The following TOMM70 variants were observed in gnomAD, a reference collection of about 807,000 sequenced individuals.
TOMM70 encodes the protein mitochondrial import receptor subunit TOM70.
In TOMM70, 13 loss-of-function variants were observed where a neutral mutation model predicts 73.6. The ratio of observed to expected loss-of-function variants is 0.18; its 90% CI spans 0.11 to 0.28. TOMM70 has a LOEUF of 0.28. TOMM70 is among the 10% of genes least tolerant of loss of function. The pLI is 1.00. For synonymous variants in TOMM70, 257 were observed against 271.2 expected (o/e 0.95, Z 0.51); for missense variants, 609 against 747.5 (o/e 0.81, Z 2.16).
chr3:100,396,023 T>G (rs545298469), intron 1 of TOMM70, among the ~76,000 whole-genome samples: 158 of 152,024 alleles, frequency 1.0e-3, no homozygotes, highest in Non-Finnish European at 1.9e-3. Context: ...GGTTTTTTTT[T>G]TTTTTTTTTT....
chr3:100,380,889 C>T (rs1222299471), intron 5 of TOMM70, among the ~76,000 whole-genome samples: 2 of 152,098 alleles, frequency 1.3e-5, no homozygotes, highest in Non-Finnish European at 2.9e-5. Context: ...CTCCAATATG[C>T]TGAAGATGCA....
chr3:100,387,675 G>A (rs1258447474), intron 1 of TOMM70, among the ~76,000 whole-genome samples: 2 of 141,582 alleles, frequency 1.4e-5, no homozygotes, highest in Non-Finnish European at 3.0e-5. Context: ...AGGGTCTGTC[G>A]CCCAGGCTGG....
At position 100,364,041 on chromosome 3, in the gene TOMM70, G is replaced by A. The variant is rs930431197; in HGVS notation, c.*1523C>T. 2.0e-5 allele frequency: 3 copies of A among 152,078 alleles called. No individual in the cohort carries two copies. The highest frequency in any genetic ancestry group is 1.3e-4 in the Admixed American group (2 of 15,266). The allele number at this position is 152,078 out of a possible 1,614,324, so 9.4% of individuals were successfully genotyped here. ...ACAGTGTAAACCATAATTATAATTC[G>A]TTCTTAAATAAACCTCTCCCCATCC... On this transcript the variant is annotated 3_prime_UTR_variant, in exon 12 of 12. Transcript: ENST00000284320.
At position 100,373,661 on chromosome 3, in the gene TOMM70, G is replaced by A. The variant is rs770751317; in HGVS notation, c.1228-16C>T. ...GTATTTTCAGCTAAGAAAAAAATAC[G>A]TAAATAAATGTAATTCAACTAGTCC... On this transcript the variant is annotated splice_polypyrimidine_tract_variant and intron_variant, in intron 7 of 11. Transcript: ENST00000284320. 49 of 1,539,372 alleles carry A rather than the reference G, an allele frequency of 3.2e-5. No homozygotes were observed. The highest frequency in any genetic ancestry group is 3.9e-5 in the Non-Finnish European group (44 of 1,141,692).
Position 100,400,723 on chromosome 3 carries a change from C to A in TOMM70, c.227G>T (p.Gly76Val), listed in dbSNP as rs1372879312. 1 of 1,608,386 alleles carries A rather than the reference C, an allele frequency of 6.2e-7. No homozygotes were observed. Among genetic ancestry groups the A allele is most frequent in the Admixed American group, 1.7e-5 (1 of 59,758 alleles). Residue 76 changes from glycine to valine, a missense_variant, in exon 1 of 12, where the codon GGC (glycine) becomes GTC (valine). Around this residue, in one of 2 missense-constraint regions of TOMM70, gnomAD observed 177 missense variants for 163.5 expected, o/e 1.08. Coordinates refer to ENST00000284320, the MANE Select transcript of TOMM70 (RefSeq NM_014820.5). ...REARGRGDAS[G>V]LKRNSERKTP... ...CTTCCGTTCGCTGTTGCGCTTCAGG[C>A]CGCTGGCGTCGCCCCGGCCTCTGGC...
chr3:100,381,518 C>T, intron 5 of TOMM70, 97 bp downstream of exon 5: 1 of 881,824 alleles, frequency 1.1e-6, no homozygotes. Flanking sequence ...AGATAGATAG[C>T]TGCTGTTGTG....
chr3:100,369,115 CTGT>C lies in TOMM70; in HGVS notation c.1470_1472del (p.Gln491del). On this transcript the variant is annotated inframe_deletion, in exon 10 of 12. Coordinates refer to ENST00000284320, the MANE Select transcript of TOMM70 (RefSeq NM_014820.5). ...CATACATTTCATCAGCTTTACCAAA[CTGT>C]TGTTGATCTGTTAATGCCTATGTGA... 1 of 1,613,328 alleles carries C rather than the reference CTGT, an allele frequency of 6.2e-7. No homozygotes were observed. Among genetic ancestry groups the C allele is most frequent in the African/African-American group, 1.3e-5 (1 of 75,006 alleles).
At chr3:100,374,474 GCA>G in intron 7 of TOMM70, among the ~76,000 whole-genome samples, 1 of 152,268 alleles carries the variant, frequency 6.6e-6, no homozygotes, top group Non-Finnish European at 1.5e-5. Flanking sequence ...ATACCATAAT[GCA>G]TTCCAAGAAG....
chr3:100,380,828 T>C (rs1047298919), intron 5 of TOMM70, among the ~76,000 whole-genome samples: 63 of 152,290 alleles, frequency 4.1e-4, no homozygotes, highest in African/African-American at 1.4e-3. Context: ...TCAATAGCAA[T>C]GGTAGAAAAA....
rs1024051173 is a variant in TOMM70 at position 100,375,597 on chromosome 3, A to G, written c.1093-445T>C. 2.0e-5 allele frequency among the ~76,000 whole-genome samples: 3 copies of G among 152,214 alleles called. No individual in the cohort carries two copies. The East Asian group carries it at 5.8e-4, about 29-fold the overall frequency. ...TTTTCATTCTTTTGTTATGCCTGAA[A>G]AATATTCCATTGTACAGATATCACA... is the stretch of plus-strand genomic sequence containing the variant. On this transcript the variant is annotated intron_variant, in intron 6 of 11. Coordinates refer to ENST00000284320, the MANE Select transcript of TOMM70 (RefSeq NM_014820.5).
chr3:100,366,508 G>A (rs963494997), intron 11 of TOMM70, among the ~76,000 whole-genome samples: 1 of 152,182 alleles, frequency 6.6e-6, no homozygotes, highest in Non-Finnish European at 1.5e-5. Flanking sequence ...ATGCCAGTAA[G>A]AGGTACCACT....
chr3:100,399,114 T>C (rs569768561), intron 1 of TOMM70, among the ~76,000 whole-genome samples: 315 of 152,146 alleles, frequency 2.1e-3, no homozygotes, highest in Non-Finnish European at 3.3e-3. Context: ...AAACCCCGTC[T>C]CTACTAAAAA....
chr3:100,391,549 G>T (rs529744744), intron 1 of TOMM70, among the ~76,000 whole-genome samples: 33 of 152,096 alleles, frequency 2.2e-4, no homozygotes, highest in Admixed American at 7.2e-4. Flanking sequence ...ATAGAGTAGG[G>T]ATATAAAGAA....
chr3:100,379,666 G>A (rs921639180), intron 5 of TOMM70, among the ~76,000 whole-genome samples: 2 of 152,144 alleles, frequency 1.3e-5, no homozygotes, highest in African/African-American at 4.8e-5. Context: ...CCCCAGGCTG[G>A]AGTGCAGTGG....
chr3:100,400,513 G>A, intron 1 of TOMM70, 113 bp downstream of exon 1: 1 of 1,247,360 alleles, frequency 8.0e-7, no homozygotes, highest in South Asian at 1.3e-5. Flanking sequence ...CCCAAGTGTT[G>A]TGCTGCCGCT....
rs1031032649 is a variant in TOMM70, at chr3:100,400,845, C to G, written c.105G>C (p.Gly35=). 6.6e-7 allele frequency: 1 copy of G among 1,522,330 alleles called. No individual in the cohort carries two copies. Among genetic ancestry groups the G allele is most frequent in the Admixed American group, 2.0e-5 (1 of 48,934 alleles). 94.3% of individuals were successfully genotyped at this position (1,522,330 alleles called of 1,614,324 possible). A position where few individuals can be genotyped will look rare whatever the true frequency, so the allele number is the denominator to read the frequency against. Residue 35 remains glycine (G), a synonymous_variant, in exon 1 of 12, where the codon GGG becomes GGC. Transcript: ENST00000284320. ...GGGTAGPGTG[G]LPRWQLALAV... is the part of the protein sequence containing the mutation. ...CCAGAGCCAGCTGCCATCGCGGCAGCCCCCCCGTGCCCGGGCCCGCAGTCC... is the reference window on the plus strand; with the variant it reads ...CCAGAGCCAGCTGCCATCGCGGCAGGCCCCCCGTGCCCGGGCCCGCAGTCC...
intron 5 of TOMM70, among the ~76,000 whole-genome samples, chr3:100,380,179 C>G (rs1255205629): frequency 6.6e-6 from 1 of 152,000 alleles, no homozygotes; most frequent in East Asian, 1.9e-4. Flanking sequence ...AACTCCGTCT[C>G]TACTCAAAAT....
chr3:100,381,579 A>C, intron 5 of TOMM70, 36 bp downstream of exon 5: 5 of 1,587,060 alleles, frequency 3.2e-6, no homozygotes, highest in Non-Finnish European at 4.3e-6. Context: ...AGCACCCAAA[A>C]CACCACTAAG....
At chr3:100,380,157 C>A (rs61436017) in intron 5 of TOMM70, among the ~76,000 whole-genome samples, 27,644 of 151,868 alleles carry the variant, frequency 0.18, 3,170 homozygotes, top group South Asian at 0.3. Context: ...ACCAGCCTGG[C>A]CAACATGGTG....
Sources: gnomAD v4.1 joint callset for allele counts (sites outside exome capture counted in the v4.1 genomes callset) on GRCh38, gnomAD v4.1.1 for gene constraint, gnomAD v4.1.1 regional missense constraint, MANE v1.5 for transcripts, NCBI Gene and HGNC (gene_info 2026-07-23, HGNC 2026-07-21) for gene names.